ITGBL1: variants seen among roughly 807,000 people sequenced by gnomAD.
The protein encoded by ITGBL1 is integrin beta-like protein 1.
ITGBL1 carries 51 observed loss-of-function variants against 68.5 expected under a neutral mutation model. That is an observed-to-expected ratio of 0.74 (90% CI 0.59 to 0.94). ITGBL1 has a LOEUF of 0.94. Among genes scored for constraint, ITGBL1 ranks in the 40% least tolerant of loss-of-function variants. The pLI, the probability that ITGBL1 is intolerant of heterozygous loss-of-function variation, is 0.00. For missense variants in ITGBL1, 649 were observed against 647.4 expected, an observed-to-expected ratio of 1.00 and a Z score of -0.03; for synonymous variants, 209 against 227.3, an observed-to-expected ratio of 0.92 and a Z score of 0.72.
rs531968473 is a variant in ITGBL1, at chr13:101,709,104, G to A, written c.1279+2202G>A. Among the ~76,000 whole-genome samples the A allele has an allele frequency of 4.3e-3, 660 of 152,184 alleles. 7 individuals are homozygous for A. Among genetic ancestry groups the A allele is most frequent in the African/African-American group, 0.015 (632 of 41,520 alleles). On this transcript the variant is annotated intron_variant, in intron 9 of 10. Transcript: ENST00000376180. ...CAGGAGGCCGGGCGCGGTGGCTCAC[G>A]CCTGTAATCCCAGCACTTTGGGAGG...
chr13:101,692,861 A>G, intron 8 of ITGBL1, 160 bp downstream of exon 8: 1 of 631,432 alleles, frequency 1.6e-6, no homozygotes, highest in Non-Finnish European at 2.9e-6. Flanking sequence ...TAGGTTTGTA[A>G]TGACTTTTAT....
chr13:101,654,688 T>C (rs1234418591), intron 7 of ITGBL1, among the ~76,000 whole-genome samples: 1 of 152,128 alleles, frequency 6.6e-6, no homozygotes, highest in South Asian at 2.1e-4. Context: ...AGAAGTTCAA[T>C]ACACACGTCT....
intron 7 of ITGBL1, among the ~76,000 whole-genome samples, chr13:101,661,493 T>G (rs2139479584): frequency 6.6e-6 from 1 of 152,314 alleles, no homozygotes; most frequent in South Asian, 2.1e-4. Flanking sequence ...TCATGTGAGC[T>G]TATGGTTTAT....
intron 2 of ITGBL1, among the ~76,000 whole-genome samples, chr13:101,464,896 A>T (rs982915716): frequency 2.6e-5 from 4 of 152,190 alleles, no homozygotes. Context: ...AATTTCTGTA[A>T]TGCTGACACT....
At chr13:101,605,070 A>ATATAC (rs2030673731) in intron 7 of ITGBL1, among the ~76,000 whole-genome samples, 1 of 145,598 alleles carries the variant, frequency 6.9e-6, no homozygotes, top group South Asian at 2.1e-4. Flanking sequence ...GTATATGTGT[A>ATATAC]TATACATATA....
At chr13:101,635,301 T>C (rs763377884) in intron 7 of ITGBL1, among the ~76,000 whole-genome samples, 1 of 152,000 alleles carries the variant, frequency 6.6e-6, no homozygotes, top group Non-Finnish European at 1.5e-5. Flanking sequence ...AAAAAGAATG[T>C]CATACCGAAG....
chr13:101,688,303 T>A (rs1281235457), intron 7 of ITGBL1, among the ~76,000 whole-genome samples: 1 of 152,108 alleles, frequency 6.6e-6, no homozygotes, highest in African/African-American at 2.4e-5. Context: ...GACAAAGGGC[T>A]GTGGGATCAG....
At position 101,669,717 on chromosome 13, in the gene ITGBL1, G is replaced by T. The variant is rs145173243; in HGVS notation, c.1016-22868G>T. Among the ~76,000 whole-genome samples, 699 of 152,048 alleles carry T rather than the reference G, an allele frequency of 4.6e-3. 1 individual carries two copies. Among genetic ancestry groups the T allele is most frequent in the African/African-American group, 0.016 (660 of 41,478 alleles). On this transcript the variant is annotated intron_variant, in intron 7 of 10. Transcript: ENST00000376180. ...AATCATTTTCTGAACTGCATCTTTT[G>T]CCCAATTTACAGTTTTCATTTATTT...
chr13:101,695,002 AGCATTT>A (rs1199701881), intron 8 of ITGBL1, among the ~76,000 whole-genome samples: 1 of 152,202 alleles, frequency 6.6e-6, no homozygotes, highest in Non-Finnish European at 1.5e-5. Context: ...GTGAACATAG[AGCATTT>A]GCTCTCCTGG....
At chr13:101,469,195 T>C (rs2048423855) in intron 2 of ITGBL1, among the ~76,000 whole-genome samples, 1 of 152,168 alleles carries the variant, frequency 6.6e-6, no homozygotes, top group African/African-American at 2.4e-5. Context: ...GAGCCAACAA[T>C]ACTGCAAAGA....
chr13:101,692,558 AGT>A, intron 7 of ITGBL1, 25 bp from the exon 8 acceptor site: 1 of 1,474,700 alleles, frequency 6.8e-7, no homozygotes. Flanking sequence ...TCTCCTCATA[AGT>A]GTGCACTTTC....
At chr13:101,505,448 A>G (rs2049012139) in intron 2 of ITGBL1, among the ~76,000 whole-genome samples, 1 of 152,146 alleles carries the variant, frequency 6.6e-6, no homozygotes, top group Non-Finnish European at 1.5e-5. Context: ...AAGGGTGTTT[A>G]TTTGCCCTGG....
intron 8 of ITGBL1, among the ~76,000 whole-genome samples, 175 bp from the exon 9 acceptor site, chr13:101,706,581 T>G (rs1048510432): frequency 6.6e-6 from 1 of 152,250 alleles, no homozygotes; most frequent in Non-Finnish European, 1.5e-5. Flanking sequence ...TATGTTAAGC[T>G]AGAACTCTGT....
intron 6 of ITGBL1, among the ~76,000 whole-genome samples, chr13:101,595,376 G>A (rs2029899161): frequency 6.6e-6 from 1 of 152,116 alleles, no homozygotes; most frequent in South Asian, 2.1e-4. Context: ...CCATTCATTA[G>A]GGATCTGCCC....
intron 7 of ITGBL1, among the ~76,000 whole-genome samples, chr13:101,689,080 T>C (rs1325589232): frequency 6.6e-6 from 1 of 151,124 alleles, no homozygotes; most frequent in Non-Finnish European, 1.5e-5. Context: ...TGGCGCATGC[T>C]TGCAATCCGA....
At chr13:101,505,954 A>G (rs1029636782) in intron 2 of ITGBL1, among the ~76,000 whole-genome samples, 1 of 152,232 alleles carries the variant, frequency 6.6e-6, no homozygotes, top group African/African-American at 2.4e-5. Flanking sequence ...GAGCACCAGC[A>G]TCTGAGCTCC....
At chr13:101,686,458 T>C (rs904380723) in intron 7 of ITGBL1, among the ~76,000 whole-genome samples, 6 of 152,068 alleles carry the variant, frequency 3.9e-5, no homozygotes, top group Admixed American at 2.6e-4. Flanking sequence ...TTCAGACAAA[T>C]ATTCAAGTGC....
At chr13:101,671,007 TATA>T (rs1159763162) in intron 7 of ITGBL1, among the ~76,000 whole-genome samples, 1 of 152,044 alleles carries the variant, frequency 6.6e-6, no homozygotes, top group African/African-American at 2.4e-5. Flanking sequence ...TTGTCATTAT[TATA>T]ATGAACCCTG....
intron 7 of ITGBL1, among the ~76,000 whole-genome samples, chr13:101,642,147 C>T (rs1215388065): frequency 6.6e-6 from 1 of 151,808 alleles, no homozygotes; most frequent in African/African-American, 2.4e-5. Flanking sequence ...CACTGACTTC[C>T]ACAATGGTTG....
Sources: gnomAD v4.1 joint callset for allele counts (sites outside exome capture counted in the v4.1 genomes callset) on GRCh38, gnomAD v4.1.1 for gene constraint, MANE v1.5 for transcripts, NCBI Gene and HGNC (gene_info 2026-07-23, HGNC 2026-07-21) for gene names.